Variants in VPS8 observed in about 807,000 individuals in gnomAD.
VPS8 encodes vacuolar protein sorting-associated protein 8 homolog.
Under a neutral mutation model 216.4 loss-of-function variants are expected in VPS8, and 129 were observed. That is an observed-to-expected ratio of 0.60 (90% CI 0.52 to 0.69). The LOEUF is 0.69. Among genes scored for constraint, VPS8 ranks in the 30% least tolerant of loss-of-function variants. VPS8 has a pLI of 0.00. For missense variants in VPS8, 1,531 were observed against 1,683.5 expected, an observed-to-expected ratio of 0.91 and a Z score of 1.59; for synonymous variants, 571 against 565.4, an observed-to-expected ratio of 1.01 and a Z score of -0.14.
At chr3:184,835,505 CAG>C (rs772410254) in intron 5 of VPS8, among the ~76,000 whole-genome samples, 1 of 152,070 alleles carries the variant, frequency 6.6e-6, no homozygotes, top group Non-Finnish European at 1.5e-5. Flanking sequence ...TTGACACTAT[CAG>C]ACTTTTCTTT....
chr3:184,995,931 G>C (rs1380056037), intron 43 of VPS8, among the ~76,000 whole-genome samples: 1 of 152,214 alleles, frequency 6.6e-6, no homozygotes, highest in African/African-American at 2.4e-5. Context: ...CTGGGATTCA[G>C]ACTTAGCTGT....
At chr3:184,826,734 G>A (rs1349596086) in intron 3 of VPS8, among the ~76,000 whole-genome samples, 3 of 152,200 alleles carry the variant, frequency 2.0e-5, no homozygotes, top group Admixed American at 1.3e-4. Flanking sequence ...CAAATAGCTT[G>A]TCCTCTGACG....
chr3:185,026,410 C>CTTTTTTTT (rs3045678), intron 46 of VPS8, among the ~76,000 whole-genome samples: 1 of 119,122 alleles, frequency 8.4e-6, no homozygotes, highest in African/African-American at 3.2e-5. Context: ...GGCTGTATTT[C>CTTTTTTTT]TTTTTTTTTT....
chr3:185,035,162 C>T lies in VPS8; in HGVS notation c.4056+10773C>T, dbSNP rs59272723. On this transcript the variant is annotated intron_variant, in intron 46 of 47. Transcript: ENST00000625842. ...AGATGGAGTCACAGCCAAATTCTATCGAATTATACTTCTTTCTACCAAAAG... is the reference window on the plus strand; with the variant it reads ...AGATGGAGTCACAGCCAAATTCTATTGAATTATACTTCTTTCTACCAAAAG... Among the ~76,000 whole-genome samples the T allele has an allele frequency of 4.4e-3, 672 of 152,194 alleles. 7 individuals are homozygous for T. Among genetic ancestry groups the T allele is most frequent in the African/African-American group, 0.015 (629 of 41,546 alleles).
chr3:185,039,971 T>C (rs1480014927), intron 46 of VPS8, among the ~76,000 whole-genome samples: 1 of 152,186 alleles, frequency 6.6e-6, no homozygotes, highest in Admixed American at 6.5e-5. Flanking sequence ...TAGTCGTAGA[T>C]TGTTTTTAAC....
At chr3:184,965,045 C>T (rs1348335982) in intron 38 of VPS8, among the ~76,000 whole-genome samples, 3 of 152,208 alleles carry the variant, frequency 2.0e-5, no homozygotes, top group African/African-American at 4.8e-5. Context: ...CACTTTACAT[C>T]GCTACCAGCA....
chr3:185,018,890 C>A (rs1756223423), intron 45 of VPS8, among the ~76,000 whole-genome samples: 1 of 152,106 alleles, frequency 6.6e-6, no homozygotes, highest in Admixed American at 6.5e-5. Flanking sequence ...GTCACTGGGG[C>A]AACTACTTTT....
chr3:185,049,224 CTG>C (rs1713638099), intron 47 of VPS8, among the ~76,000 whole-genome samples: 1 of 152,186 alleles, frequency 6.6e-6, no homozygotes, highest in South Asian at 2.1e-4. Context: ...TCTAATCTAA[CTG>C]TGGAAGAAGA....
At chr3:184,900,604 C>G (rs1228045421) in intron 24 of VPS8, among the ~76,000 whole-genome samples, 1 of 152,198 alleles carries the variant, frequency 6.6e-6, no homozygotes, top group Non-Finnish European at 1.5e-5. Flanking sequence ...AATCCTTTCA[C>G]TTGCTTACTA....
At chr3:185,046,090 G>A (rs1712840321) in intron 46 of VPS8, among the ~76,000 whole-genome samples, 1 of 152,204 alleles carries the variant, frequency 6.6e-6, no homozygotes, top group Admixed American at 6.5e-5. Context: ...AAAGAAATTT[G>A]CTCTAACAGA....
intron 42 of VPS8, among the ~76,000 whole-genome samples, chr3:184,988,356 C>T (rs560952633): frequency 6.6e-6 from 1 of 152,290 alleles, no homozygotes; most frequent in South Asian, 2.1e-4. Flanking sequence ...AATATATGGT[C>T]AGTGTTGATT....
intron 39 of VPS8, among the ~76,000 whole-genome samples, chr3:184,970,207 C>A (rs543343818): frequency 6.6e-6 from 1 of 152,064 alleles, no homozygotes; most frequent in African/African-American, 2.4e-5. Flanking sequence ...CCACCACGAC[C>A]GGCCCCATCT....
At chr3:185,019,369 G>C (rs916763224) in intron 45 of VPS8, among the ~76,000 whole-genome samples, 33 of 150,892 alleles carry the variant, frequency 2.2e-4, no homozygotes, top group Non-Finnish European at 2.8e-4. Context: ...CACACACACA[G>C]AAATACAGTG....
intron 23 of VPS8, among the ~76,000 whole-genome samples, chr3:184,895,584 T>A: frequency 1.2e-5 from 1 of 84,514 alleles, no homozygotes. Flanking sequence ...TTTTTCCTCC[T>A]CCTGCTCCTC....
At chr3:184,820,486 A>T (rs967368731) in intron 1 of VPS8, among the ~76,000 whole-genome samples, 4 of 152,156 alleles carry the variant, frequency 2.6e-5, no homozygotes, top group Non-Finnish European at 4.4e-5. Context: ...TTAACCTGCA[A>T]AATCCCTTTT....
intron 46 of VPS8, among the ~76,000 whole-genome samples, chr3:185,040,218 A>G (rs1759452392): frequency 6.6e-6 from 1 of 152,136 alleles, no homozygotes; most frequent in African/African-American, 2.4e-5. Context: ...GTTGGAGGGA[A>G]CAACATCCAC....
At chr3:184,912,500 G>A (rs1422535711) in intron 25 of VPS8, among the ~76,000 whole-genome samples, 1 of 152,096 alleles carries the variant, frequency 6.6e-6, no homozygotes, top group African/African-American at 2.4e-5. Flanking sequence ...TTTTTTACAT[G>A]ACTCAATTCC....
chr3:184,856,854 T>C (rs751075461), intron 14 of VPS8, among the ~76,000 whole-genome samples: 2 of 152,054 alleles, frequency 1.3e-5, no homozygotes, highest in African/African-American at 4.8e-5. Flanking sequence ...GTTAGTTACA[T>C]GCATCTTTTG....
chr3:184,826,124 G>A, intron 2 of VPS8, 39 bp from the exon 3 acceptor site: 1 of 1,437,102 alleles, frequency 7.0e-7, no homozygotes, highest in Non-Finnish European at 9.6e-7. Context: ...TAAGCAGAAA[G>A]GCATCATTTT....
Sources: allele counts gnomAD v4.1 joint callset (sites outside exome capture counted in the v4.1 genomes callset), GRCh38; gene constraint gnomAD v4.1.1; transcripts MANE v1.5; gene names NCBI Gene and HGNC (gene_info 2026-07-23, HGNC 2026-07-21).